The following HPX variants were observed in gnomAD, a reference collection of about 807,000 sequenced individuals.
The protein encoded by HPX is beta-1B-glycoprotein.
Under a neutral mutation model 53.8 loss-of-function variants are expected in HPX, and 42 were observed. The ratio of observed to expected loss-of-function variants is 0.78; its 90% CI spans 0.61 to 1.01. The LOEUF is 1.01. Ranked by LOEUF, HPX falls within the 50% of genes least tolerant of loss-of-function variation. The pLI is 0.00. For missense variants in HPX, 547 were observed against 594.3 expected, an observed-to-expected ratio of 0.92 and a Z score of 0.83; for synonymous variants, 229 against 221.1, an observed-to-expected ratio of 1.04 and a Z score of -0.32.
At chr11:6,437,215 G>A in intron 6 of HPX, 38 bp from the exon 7 acceptor site, 7 of 1,597,140 alleles carry the variant, frequency 4.4e-6, no homozygotes, top group Non-Finnish European at 6.0e-6. Flanking sequence ...ACAGAAGGAG[G>A]CCAGAGGTCA....
At chr11:6,432,351 A>C in intron 7 of HPX, 1 of 297,406 alleles carries the variant, frequency 3.4e-6, no homozygotes, top group South Asian at 4.4e-5. Context: ...TAGATAATGA[A>C]ATACAGTGTC....
rs1259026161 is a variant in HPX, at chr11:6,431,220, G to T, written c.1380C>A (p.Cys460Ter). The T allele has an allele frequency of 6.2e-7, 1 of 1,614,086 alleles. No homozygotes were observed. Among genetic ancestry groups the T allele is most frequent in the African/African-American group, 1.3e-5 (1 of 74,926 alleles). The change falls in exon 10 of 10, where the codon TGC becomes TGA. Residue 460 changes from cysteine (C) to a stop codon, truncating the protein, a stop_gained. Transcript: ENST00000265983. LOFTEE classifies it high-confidence loss of function. ...CATGTCAGAAGGCCCCTCAGTGAGT[G>T]CAGCCCAGGAGACTGGTCACATTCT... is the stretch of plus-strand genomic sequence containing the variant. ...QPQNVTSLLG[C>*]TH is the part of the protein sequence containing the mutation.
At chr11:6,435,190 G>A (rs763388243) in intron 7 of HPX, among the ~76,000 whole-genome samples, 5 of 152,170 alleles carry the variant, frequency 3.3e-5, no homozygotes, top group East Asian at 1.9e-4. Context: ...CAGGAGGATC[G>A]CTTGAACCCA....
At position 6,437,569 on chromosome 11, in the gene HPX, G is replaced by A; in HGVS notation, c.574C>T (p.Leu192=). The A allele has an allele frequency of 6.2e-7, 1 of 1,614,218 alleles. No homozygotes were observed. The highest frequency in any genetic ancestry group is 8.5e-7 in the Non-Finnish European group (1 of 1,180,030). The change falls in exon 6 of 10, where the codon CTG becomes TTG. Residue 192 remains leucine, a synonymous_variant. Coordinates refer to ENST00000265983, the MANE Select transcript of HPX (RefSeq NM_000613.3). ...CAGTAGTAGCGGCCCAGCCATCTCA[G>A]GGCAGAGGAGCAGTTCCCAACAGCT... ...WPAVGNCSSA[L]RWLGRYYCFQ...
intron 4 of HPX, among the ~76,000 whole-genome samples, chr11:6,439,226 T>G (rs536401582): frequency 1.3e-5 from 2 of 152,124 alleles, no homozygotes; most frequent in Non-Finnish European, 2.9e-5. Context: ...TCCAACCTCA[T>G]GTAGATTCGT....
rs757050607 is a variant in HPX, at chr11:6,431,329, C to T, written c.1271G>A (p.Gly424Asp). 6.2e-7 allele frequency: 1 copy of T among 1,614,250 alleles called. No individual in the cohort carries two copies. Among genetic ancestry groups the T allele is most frequent in the South Asian group, 1.1e-5 (1 of 91,088 alleles). ...ATTGGGACCATGGATGAGGTACAAG[C>T]CGGGACCATTGGCGGAACATGAGTT... ...GPNSCSANGPGLYLIHGPNLY... is the reference protein window; with the variant it reads ...GPNSCSANGPDLYLIHGPNLY... The change falls in exon 10 of 10, where the codon GGC (glycine) becomes GAC (aspartate). Residue 424 changes from glycine (G) to aspartate (D), a missense_variant. Physicochemically the swap from Gly to Asp is moderately conservative, Grantham distance 94. Transcript: ENST00000265983.
intron 7 of HPX, among the ~76,000 whole-genome samples, chr11:6,432,641 T>C (rs796348616): frequency 1.8e-4 from 27 of 152,310 alleles, no homozygotes; most frequent in Middle Eastern, 3.4e-3. Flanking sequence ...CATGGTCAAT[T>C]CTCTGTTCTC....
Position 6,431,732 on chromosome 11 carries a change from C to T in HPX, c.1038G>A (p.Glu346=), listed in dbSNP as rs1194267832. The T allele has an allele frequency of 6.2e-7, 1 of 1,614,094 alleles. No individual in the cohort carries two copies. The highest frequency in any genetic ancestry group is 1.7e-5 in the Admixed American group (1 of 60,004). Residue 346 remains glutamate (E), a synonymous_variant, in exon 9 of 10, where the codon GAG becomes GAA. Transcript: ENST00000265983. ...TLVSGYPKRL[E]KEVGTPHGII... ...TCCCATGAGGGGTCCCGACTTCCTT[C>T]TCCAGCCGCTTCGGATAACCGCTTA...
At chr11:6,433,088 A>G (rs968031870) in intron 7 of HPX, among the ~76,000 whole-genome samples, 3 of 152,214 alleles carry the variant, frequency 2.0e-5, no homozygotes, top group Non-Finnish European at 4.4e-5. Context: ...TTAGAAAACA[A>G]AACCACCAGC....
At chr11:6,438,753 C>T (rs73398899) in intron 4 of HPX, among the ~76,000 whole-genome samples, 2,412 of 152,288 alleles carry the variant, frequency 0.016, 60 homozygotes, top group African/African-American at 0.055. Context: ...TCCTGTGGCA[C>T]ATTTATCTGC....
At chr11:6,440,615 T>C (rs997513270) in intron 2 of HPX, 57 bp downstream of exon 2, 11 of 998,640 alleles carry the variant, frequency 1.1e-5, no homozygotes, top group Non-Finnish European at 1.4e-5. Context: ...CAGAAGGTGA[T>C]AAAATGCAGA....
In HPX at chr11:6,431,996, T is replaced by C. The variant is rs751993016; in HGVS notation, c.857A>G (p.Asp286Gly). 7 of 1,614,208 alleles carry C rather than the reference T, an allele frequency of 4.3e-6. No individual in the cohort carries two copies. The East Asian group carries it at 6.7e-5, about 15-fold the overall frequency. ...GCTATGCCAGCCATCCCGGCTGGTG[T>C]CCAGACGCCAGTAGTGGGTCCCTGT... ...AFSGTHYWRL[D>G]TSRDGWHSWP... Residue 286 changes from aspartate to glycine, a missense_variant, in exon 8 of 10, where the codon GAC (aspartate) becomes GGC (glycine). By Grantham distance (94) the Asp-to-Gly change is moderately conservative. Coordinates refer to ENST00000265983, the MANE Select transcript of HPX (RefSeq NM_000613.3).
At chr11:6,439,290 C>G (rs960425984) in intron 4 of HPX, among the ~76,000 whole-genome samples, 2 of 152,142 alleles carry the variant, frequency 1.3e-5, no homozygotes, top group Admixed American at 1.3e-4. Context: ...GAGAAGATAA[C>G]CAAGGCCCAG....
rs755320801 is a variant in HPX at position 6,437,540 on chromosome 11, G to C, written c.603C>G (p.Phe201Leu). The change falls in exon 6 of 10, where the codon TTC (phenylalanine) becomes TTG (leucine). Residue 201 changes from phenylalanine to leucine, a missense_variant. Phe to Leu is a conservative substitution (Grantham distance 22). Coordinates refer to ENST00000265983, the MANE Select transcript of HPX (RefSeq NM_000613.3). ...CGAAGCGCAGGAATTGGTTACCCTG[G>C]AAGCAGTAGTAGCGGCCCAGCCATC... The part of the protein sequence containing the change: ...ALRWLGRYYC[F>L]QGNQFLRFDP... 6.2e-7 allele frequency: 1 copy of C among 1,614,210 alleles called. No homozygotes were observed. The highest frequency in any genetic ancestry group is 1.7e-5 in the Admixed American group (1 of 60,032).
At chr11:6,438,618 T>C in intron 4 of HPX, 109 bp from the exon 5 acceptor site, 1 of 959,532 alleles carries the variant, frequency 1.0e-6, no homozygotes, top group Non-Finnish European at 1.6e-6. Flanking sequence ...CCTGTGGCCC[T>C]ACACATTCTC....
chr11:6,440,482 T>C lies in HPX; in HGVS notation c.199A>G (p.Met67Val). The C allele has an allele frequency of 6.2e-7, 1 of 1,600,982 alleles. No homozygotes were observed. Among genetic ancestry groups the C allele is most frequent in the Non-Finnish European group, 8.5e-7 (1 of 1,175,334 alleles). ...TCCCTCCTACCTTTAAAAAACAGCA[T>C]GGTTCCATTGTCATCCAGGGTGGTA... ...DATTLDDNGT[M>V]LFFKGEFVWK... The change falls in exon 3 of 10, where the codon ATG (methionine) becomes GTG (valine). Residue 67 changes from methionine to valine, a missense_variant. By Grantham distance (21) the Met-to-Val change is conservative. Coordinates refer to ENST00000265983, the MANE Select transcript of HPX (RefSeq NM_000613.3).
In HPX at chr11:6,438,366, G is replaced by A. The variant is rs780778218; in HGVS notation, c.480C>T (p.Leu160=). 8 of 1,614,040 alleles carry A rather than the reference G, an allele frequency of 5.0e-6. No individual in the cohort carries two copies. Among genetic ancestry groups the A allele is most frequent in the Non-Finnish European group, 2.5e-6 (3 of 1,180,030 alleles). Residue 160 remains leucine (L), a synonymous_variant, in exon 5 of 10, where the codon CTC becomes CTT. Coordinates refer to ENST00000265983, the MANE Select transcript of HPX (RefSeq NM_000613.3). ...CCAGCCTGGACTGACCTTGGAAGAA[G>A]AGGACGCCTTCAGCTTGACATTCTC... is the stretch of plus-strand genomic sequence containing the variant. ...HRGECQAEGV[L]FFQGDREWFW...
At chr11:6,440,577 A>T (rs764102256) in intron 2 of HPX, 39 bp from the exon 3 acceptor site, 1 of 438,874 alleles carries the variant, frequency 2.3e-6, no homozygotes, top group Non-Finnish European at 3.1e-6. Flanking sequence ...TAAAAAAAAA[A>T]AAAAAAAAAA....
chr11:6,440,198 G>T lies in HPX; in HGVS notation c.303C>A (p.Phe101Leu), dbSNP rs750058239. ...KNFPSPVDAAFRQGHNSVFLI... is the reference protein window; with the variant it reads ...KNFPSPVDAALRQGHNSVFLI... ...GAAAGACACTGTTGTGACCTTGACG[G>T]AATGCAGCATCCACAGGGCTGGGGA... The change falls in exon 4 of 10, where the codon TTC (phenylalanine) becomes TTA (leucine). Residue 101 changes from phenylalanine to leucine, a missense_variant. Phe to Leu is a conservative substitution (Grantham distance 22, BLOSUM62 0). Transcript: ENST00000265983. 9.3e-6 allele frequency: 15 copies of T among 1,614,076 alleles called. No individual in the cohort carries two copies. Among genetic ancestry groups the T allele is most frequent in the Non-Finnish European group, 1.3e-5 (15 of 1,180,010 alleles).
Sources: gnomAD v4.1 joint callset for allele counts (sites outside exome capture counted in the v4.1 genomes callset) on GRCh38, gnomAD v4.1.1 for gene constraint, MANE v1.5 for transcripts, NCBI Gene and HGNC (gene_info 2026-07-23, HGNC 2026-07-21) for gene names.